UBASH3B: variants seen among roughly 807,000 people sequenced by gnomAD.
UBASH3B encodes ubiquitin associated and SH3 domain containing B, also known as ubiquitin-associated and SH3 domain-containing protein B.
A neutral mutation model predicts 83.4 loss-of-function variants in UBASH3B; 37 were observed. The ratio of observed to expected loss-of-function variants is 0.44; its 90% confidence interval spans 0.34 to 0.58. The LOEUF (loss-of-function observed/expected upper bound fraction) is 0.58, where lower values mean the gene tolerates loss of function less well. Among genes scored for constraint, UBASH3B ranks in the 20% least tolerant of loss-of-function variants. UBASH3B has a pLI of 0.01. For missense variants in UBASH3B, 657 were observed against 827.2 expected (o/e 0.79, Z 2.52); for synonymous variants, 304 against 318.3 (o/e 0.96, Z 0.48).
chr11:122,721,149 T>G (rs980511262), intron 1 of UBASH3B, among the ~76,000 whole-genome samples: 9 of 146,270 alleles, frequency 6.2e-5, no homozygotes, highest in South Asian at 2.1e-4. Context: ...GGAGGCTGAG[T>G]CAGGAGAATC....
intron 8 of UBASH3B, 142 bp from the exon 9 acceptor site, chr11:122,796,769 G>C (rs1355319440): frequency 9.1e-7 from 1 of 1,102,290 alleles, no homozygotes; most frequent in Admixed American, 2.8e-5. Context: ...TGTCAGCCTT[G>C]ATATTTTCTA....
At chr11:122,695,612 C>A (rs763004889) in intron 1 of UBASH3B, among the ~76,000 whole-genome samples, 6 of 152,058 alleles carry the variant, frequency 3.9e-5, no homozygotes, top group Non-Finnish European at 8.8e-5. Flanking sequence ...TTCTTTTTTA[C>A]TTTTTCCCCG....
In UBASH3B at chr11:122,761,560, G is replaced by A. The variant is rs114610726; in HGVS notation, c.162-14659G>A. Among the ~76,000 whole-genome samples the A allele has an allele frequency of 7.5e-3, 1,145 of 152,204 alleles. 16 individuals carry two copies. The highest frequency in any genetic ancestry group is 0.025 in the African/African-American group (1,055 of 41,526). On this transcript the variant is annotated intron_variant, in intron 1 of 13. Coordinates refer to ENST00000284273, the MANE Select transcript of UBASH3B (RefSeq NM_032873.5). ...CAGTGGCTCTGTCTGGTCTGCATAC[G>A]TTTTCTCTGACCCACCAAAGCCGTT...
chr11:122,736,748 G>A (rs1860939324), intron 1 of UBASH3B, among the ~76,000 whole-genome samples: 1 of 151,962 alleles, frequency 6.6e-6, no homozygotes. Context: ...ATGTGTAACT[G>A]GGAGATTTAA....
chr11:122,772,370 T>A (rs1860660114), intron 1 of UBASH3B, among the ~76,000 whole-genome samples: 1 of 152,168 alleles, frequency 6.6e-6, no homozygotes, highest in South Asian at 2.1e-4. Flanking sequence ...CCGTGATAAT[T>A]CAGGGGTTTT....
At chr11:122,686,936 G>A (rs1863816754) in intron 1 of UBASH3B, among the ~76,000 whole-genome samples, 1 of 151,436 alleles carries the variant, frequency 6.6e-6, no homozygotes, top group Admixed American at 6.6e-5. Context: ...GGTGCGGTCT[G>A]GGCTCACTGC....
At chr11:122,717,143 G>A (rs769618644) in intron 1 of UBASH3B, among the ~76,000 whole-genome samples, 20 of 152,046 alleles carry the variant, frequency 1.3e-4, no homozygotes, top group Non-Finnish European at 2.2e-4. Context: ...CTGTCCTCTC[G>A]CCCCCAGAAA....
chr11:122,697,377 T>A lies in UBASH3B; in HGVS notation c.161+41167T>A, dbSNP rs556040369. The stretch of plus-strand genomic sequence containing the variant: ...TTGAACTGGGAGGTGGAGGTTGCAG[T>A]GAGCCGAGATCGCAACATTGCACTC... On this transcript the variant is annotated intron_variant, in intron 1 of 13. Coordinates refer to ENST00000284273, the MANE Select transcript of UBASH3B (RefSeq NM_032873.5). Among the ~76,000 whole-genome samples, 20 of 152,244 alleles carry A rather than the reference T, an allele frequency of 1.3e-4. No individual in the cohort carries two copies. The South Asian group carries it at 4.1e-3, about 32-fold the overall frequency.
rs529758641 is a variant in UBASH3B at position 122,806,268 on chromosome 11, C to G, written c.1596-142C>G. The stretch of plus-strand genomic sequence containing the variant: ...ATAGTAGAAATGCTGTTCCCTATAC[C>G]TTTCTCCTTTCTAGGGAAATGGATA... On this transcript the variant is annotated intron_variant, in intron 11 of 13. Transcript: ENST00000284273. The surrounding 1 kb of genome is among the most constrained non-coding windows in gnomAD (Gnocchi z 4.0). 2 of 681,866 alleles carry G rather than the reference C, an allele frequency of 2.9e-6. No individual in the cohort carries two copies. Among genetic ancestry groups the G allele is most frequent in the Non-Finnish European group, 4.9e-6 (2 of 408,488 alleles). The allele number at this position is 681,866 out of a possible 1,614,324, so 42.2% of individuals were successfully genotyped here.
intron 1 of UBASH3B, among the ~76,000 whole-genome samples, chr11:122,678,125 C>T (rs1268593893): frequency 6.6e-6 from 1 of 152,190 alleles, no homozygotes; most frequent in Non-Finnish European, 1.5e-5. Context: ...ACTTGTCTAA[C>T]CCTAATTACC....
At chr11:122,782,893 C>T (rs958135213) in intron 4 of UBASH3B, 160 bp from the exon 5 acceptor site, 104 of 812,250 alleles carry the variant, frequency 1.3e-4, no homozygotes, top group African/African-American at 8.1e-4. Context: ...ATCCCCTTAC[C>T]CCCTTATTCT....
intron 1 of UBASH3B, among the ~76,000 whole-genome samples, chr11:122,720,971 C>T (rs911849724): frequency 5.9e-5 from 9 of 151,954 alleles, no homozygotes; most frequent in East Asian, 1.9e-4. Flanking sequence ...CTCGGCCAGG[C>T]GCGGTGGCTC....
chr11:122,688,743 C>G (rs904964286), intron 1 of UBASH3B, among the ~76,000 whole-genome samples: 2 of 151,906 alleles, frequency 1.3e-5, no homozygotes, highest in African/African-American at 4.8e-5. Context: ...CTCCCGGGTT[C>G]ACCCCATTCT....
intron 1 of UBASH3B, among the ~76,000 whole-genome samples, chr11:122,699,531 C>CTTTCTCTTTCTTTCTTTCTTTCTT (rs200613782): frequency 6.5e-5 from 7 of 107,866 alleles, no homozygotes; most frequent in African/African-American, 2.5e-4. Context: ...TTCTTTCTTT[C>CTTTCTCTTTCTTTCTTTCTTTCTT]TCTTTCTTTC....
intron 1 of UBASH3B, among the ~76,000 whole-genome samples, chr11:122,740,004 AT>A (rs1194759330): frequency 1.3e-5 from 2 of 152,172 alleles, no homozygotes; most frequent in African/African-American, 4.8e-5. Flanking sequence ...TATGGATTGT[AT>A]TTCTGTAAAG....
rs964073319 is a variant in UBASH3B, at chr11:122,688,547, G to A, written c.161+32337G>A. Among the ~76,000 whole-genome samples the A allele has an allele frequency of 4.3e-5, 6 of 139,230 alleles. No homozygotes were observed. The South Asian group carries it at 1.2e-3, about 28-fold the overall frequency. The allele number at this position is 139,230 out of a possible 152,430, so 91.3% of individuals were successfully genotyped here. On this transcript the variant is annotated intron_variant, in intron 1 of 13. Transcript: ENST00000284273. ...TGCAAGCTCCGCCTCCCAGGTTCAC[G>A]CCATTCTCCTGCCTCAGCCTCCCGA...
chr11:122,680,889 C>T (rs138799579), intron 1 of UBASH3B, among the ~76,000 whole-genome samples: 1 of 152,252 alleles, frequency 6.6e-6, no homozygotes, highest in African/African-American at 2.4e-5. Flanking sequence ...TGATATGTTG[C>T]AAATGGTTAG....
At chr11:122,675,966 T>C (rs556333064) in intron 1 of UBASH3B, among the ~76,000 whole-genome samples, 1 of 152,328 alleles carries the variant, frequency 6.6e-6, no homozygotes, top group South Asian at 2.1e-4. Context: ...AGTACTTCCA[T>C]TTTACAAATG....
chr11:122,686,160 G>A (rs953618626), intron 1 of UBASH3B, among the ~76,000 whole-genome samples: 4 of 152,210 alleles, frequency 2.6e-5, no homozygotes, highest in African/African-American at 7.2e-5. Context: ...GGCCTTAAGT[G>A]GTTTGGAGTC....
Sources: gnomAD v4.1 joint callset for allele counts (sites outside exome capture counted in the v4.1 genomes callset) on GRCh38, gnomAD v4.1.1 for gene constraint, Gnocchi (gnomAD v3.1) non-coding constraint, MANE v1.5 for transcripts, NCBI Gene and HGNC (gene_info 2026-07-23, HGNC 2026-07-21) for gene names.